SDK1: variants seen among roughly 807,000 people sequenced by gnomAD.
SDK1 encodes the protein sidekick cell adhesion molecule 1, also known as protein sidekick-1.
In SDK1, 157 loss-of-function variants were observed where a neutral mutation model predicts 245.5. The observed-to-expected ratio is 0.64, with a 90% CI of 0.56 to 0.73. The LOEUF is 0.73. Ranked by LOEUF, SDK1 falls within the 30% of genes least tolerant of loss-of-function variation. The pLI, the probability that SDK1 is intolerant of heterozygous loss-of-function variation, is 0.00. For synonymous variants in SDK1, 1,647 were observed against 1,278.5 expected, an observed-to-expected ratio of 1.29 and a Z score of -6.15; for missense variants, 3,583 against 3,002.3, an observed-to-expected ratio of 1.19 and a Z score of -4.52.
intron 5 of SDK1, among the ~76,000 whole-genome samples, chr7:3,947,530 T>TCGTGTG (rs1554286519): frequency 7.1e-6 from 1 of 140,376 alleles, no homozygotes; most frequent in Non-Finnish European, 1.5e-5. Flanking sequence ...AAGTATTTGC[T>TCGTGTG]TGTGTGTGTG....
chr7:4,034,594 G>T (rs955048037), intron 17 of SDK1, among the ~76,000 whole-genome samples: 7 of 151,990 alleles, frequency 4.6e-5, no homozygotes, highest in African/African-American at 1.7e-4. Context: ...ACAAACTGAT[G>T]CAGCCCCTGA....
intron 1 of SDK1, among the ~76,000 whole-genome samples, chr7:3,536,081 G>C (rs1206098665): frequency 1.3e-5 from 2 of 151,090 alleles, no homozygotes; most frequent in African/African-American, 4.9e-5. Flanking sequence ...TTCTTAGACG[G>C]AGTCTCACTC....
chr7:3,970,932 G>T (rs1386325094), intron 11 of SDK1, among the ~76,000 whole-genome samples: 1 of 152,180 alleles, frequency 6.6e-6, no homozygotes, highest in East Asian at 1.9e-4. Context: ...GCACAGGCAA[G>T]CTGGGGGTCC....
At chr7:3,585,577 G>C (rs1187917952) in intron 1 of SDK1, among the ~76,000 whole-genome samples, 1 of 152,086 alleles carries the variant, frequency 6.6e-6, no homozygotes, top group African/African-American at 2.4e-5. Context: ...AAGAGGAAGA[G>C]GGTCATGAAG....
intron 1 of SDK1, among the ~76,000 whole-genome samples, chr7:3,530,374 T>C (rs963917339): frequency 6.6e-6 from 1 of 152,184 alleles, no homozygotes; most frequent in African/African-American, 2.4e-5. Context: ...TTTATGTGTT[T>C]CATGGTGGCT....
Position 3,301,771 on chromosome 7 carries a change from C to T in SDK1, c.185C>T (p.Thr62Met), listed in dbSNP as rs1199044463. 9.1e-6 allele frequency: 9 copies of T among 991,570 alleles called. No homozygotes were observed. The highest frequency in any genetic ancestry group is 5.2e-4 in the Middle Eastern group (1 of 1,938). 61.4% of individuals were successfully genotyped at this position (991,570 alleles called of 1,614,324 possible). A position where few individuals can be genotyped will look rare whatever the true frequency, so the allele number is the denominator to read the frequency against. The change falls in exon 1 of 45, where the codon ACG (threonine) becomes ATG (methionine). Residue 62 changes from threonine to methionine, a missense_variant. By Grantham distance (81) the Thr-to-Met change is moderately conservative. Coordinates refer to ENST00000404826, the MANE Select transcript of SDK1 (RefSeq NM_152744.4). ...GCGCCCGAGACCTCCGGCGGGGACA[C>T]GGCGGGCGCGGGGCGGTGCGGCGGG... ...RAAPETSGGDTAGAGRCGGRR... is the reference protein window; with the variant it reads ...RAAPETSGGDMAGAGRCGGRR...
At chr7:3,798,112 C>T (rs1021853587) in intron 4 of SDK1, among the ~76,000 whole-genome samples, 2 of 151,544 alleles carry the variant, frequency 1.3e-5, no homozygotes, top group Non-Finnish European at 2.9e-5. Context: ...TTATCTTTTC[C>T]TGTTCTGGGA....
chr7:4,191,828 A>G (rs1783223750), intron 35 of SDK1, among the ~76,000 whole-genome samples: 1 of 152,214 alleles, frequency 6.6e-6, no homozygotes, highest in African/African-American at 2.4e-5. Context: ...CGCCATCTCC[A>G]CAGGTGTGGC....
rs929383168 is a variant in SDK1, at chr7:3,609,688, C to G, written c.299-9392C>G. Reference sequence around the variant, plus strand: ...GTGCTGGGATTATAGGCGTAAGCTACGGTGCCCAGCCTCCCCACCCCCCGC... The same window carrying G: ...GTGCTGGGATTATAGGCGTAAGCTAGGGTGCCCAGCCTCCCCACCCCCCGC... On this transcript the variant is annotated intron_variant, in intron 1 of 44. Transcript: ENST00000404826. 2.7e-5 allele frequency among the ~76,000 whole-genome samples: 4 copies of G among 147,822 alleles called. No individual in the cohort carries two copies. The Middle Eastern group carries it at 0.012, about 430-fold the overall frequency.
chr7:3,545,550 T>G (rs759806103), intron 1 of SDK1, among the ~76,000 whole-genome samples: 1 of 152,232 alleles, frequency 6.6e-6, no homozygotes, highest in Non-Finnish European at 1.5e-5. Context: ...TGTGAATGTT[T>G]CCAGGACAAG....
At chr7:3,844,746 C>T (rs1176365129) in intron 5 of SDK1, among the ~76,000 whole-genome samples, 1 of 152,174 alleles carries the variant, frequency 6.6e-6, no homozygotes, top group African/African-American at 2.4e-5. Context: ...TCACTGTTTG[C>T]CCAAGGCCTT....
intron 2 of SDK1, among the ~76,000 whole-genome samples, chr7:3,636,955 A>G (rs1782473223): frequency 6.6e-6 from 1 of 152,100 alleles, no homozygotes; most frequent in Non-Finnish European, 1.5e-5. Context: ...TCTTTTTCAT[A>G]TACCTGTTGA....
intron 4 of SDK1, among the ~76,000 whole-genome samples, chr7:3,738,767 A>G (rs1779391825): frequency 6.6e-6 from 1 of 151,900 alleles, no homozygotes; most frequent in Non-Finnish European, 1.5e-5. Context: ...TTTATTTTTA[A>G]GTATTTTACT....
intron 1 of SDK1, among the ~76,000 whole-genome samples, chr7:3,453,903 G>A (rs929994593): frequency 2.4e-4 from 36 of 151,780 alleles, no homozygotes; most frequent in African/African-American, 6.5e-4. Context: ...ATTTCCTCCC[G>A]GCACATTTGG....
At chr7:4,149,547 G>T (rs928069803) in intron 30 of SDK1, 84 bp downstream of exon 30, 6 of 957,582 alleles carry the variant, frequency 6.3e-6, no homozygotes. Context: ...TGGGGAGGCT[G>T]TGTGGGCCAA....
intron 1 of SDK1, among the ~76,000 whole-genome samples, chr7:3,310,548 A>G (rs975004031): frequency 2.0e-5 from 3 of 152,210 alleles, no homozygotes; most frequent in African/African-American, 7.2e-5. Flanking sequence ...GGTGACGTCC[A>G]GGTTTCTGGC....
At position 4,130,115 on chromosome 7, in the gene SDK1, G is replaced by A. The variant is rs371863042; in HGVS notation, c.4129+18G>A. ...AGACGATGGTAGGTCCAGGGTTCGC[G>A]CCTTCGGGAGCCTTGCTGCCTCCCA... On this transcript the variant is annotated intron_variant, in intron 27 of 44. Coordinates refer to ENST00000404826, the MANE Select transcript of SDK1 (RefSeq NM_152744.4). 5.7e-4 allele frequency: 878 copies of A among 1,552,000 alleles called. 1 individual carries two copies. Among genetic ancestry groups the A allele is most frequent in the Non-Finnish European group, 6.5e-4 (748 of 1,143,768 alleles).
intron 5 of SDK1, among the ~76,000 whole-genome samples, chr7:3,830,639 G>T (rs553715301): frequency 6.6e-6 from 1 of 152,172 alleles, no homozygotes; most frequent in South Asian, 2.1e-4. Context: ...GGGACTGCAG[G>T]TGTACACCAC....
At chr7:3,895,165 T>A (rs1781570157) in intron 5 of SDK1, among the ~76,000 whole-genome samples, 1 of 152,196 alleles carries the variant, frequency 6.6e-6, no homozygotes, top group Non-Finnish European at 1.5e-5. Flanking sequence ...AAAGAAATCA[T>A]AAGTAGTAAT....
Sources: gnomAD v4.1 joint callset for allele counts (sites outside exome capture counted in the v4.1 genomes callset) on GRCh38, gnomAD v4.1.1 for gene constraint, MANE v1.5 for transcripts, NCBI Gene and HGNC (gene_info 2026-07-23, HGNC 2026-07-21) for gene names.